PAPPA2: variants seen among roughly 807,000 people sequenced by gnomAD.
PAPPA2 encodes the protein pappalysin-2.
In PAPPA2, 86 loss-of-function variants were observed where a neutral mutation model predicts 176.4. The ratio of observed to expected loss-of-function variants is 0.49; its 90% CI spans 0.41 to 0.58. The LOEUF is 0.58. Ranked by LOEUF, PAPPA2 falls within the 20% of genes least tolerant of loss-of-function variation. PAPPA2 has a pLI of 0.00. For synonymous variants in PAPPA2, 809 were observed against 852.2 expected (o/e 0.95, Z 0.88); for missense variants, 2,073 against 2,256.9 (o/e 0.92, Z 1.65).
intron 15 of PAPPA2, among the ~76,000 whole-genome samples, chr1:176,769,058 C>T (rs1664102847): frequency 6.6e-6 from 1 of 152,168 alleles, no homozygotes; most frequent in Admixed American, 6.5e-5. Context: ...CAGTCATCAC[C>T]CCTAGGCCTG....
intron 14 of PAPPA2, among the ~76,000 whole-genome samples, chr1:176,750,437 T>G (rs1663113288): frequency 1.3e-5 from 2 of 152,094 alleles, no homozygotes; most frequent in Admixed American, 1.3e-4. Context: ...AAACCCTATC[T>G]CTACTAAAAA....
At chr1:176,486,036 T>G (rs1652630968) in intron 1 of PAPPA2, among the ~76,000 whole-genome samples, 1 of 152,186 alleles carries the variant, frequency 6.6e-6, no homozygotes, top group South Asian at 2.1e-4. Flanking sequence ...TTAAGGGTTA[T>G]TTTAGTAAGG....
intron 2 of PAPPA2, among the ~76,000 whole-genome samples, chr1:176,571,014 C>T (rs1237143785): frequency 6.6e-6 from 1 of 152,142 alleles, no homozygotes; most frequent in East Asian, 1.9e-4. Context: ...TGTCTGTAGG[C>T]TTCTGGGGGC....
At chr1:176,628,683 TATG>T (rs1413349053) in intron 3 of PAPPA2, among the ~76,000 whole-genome samples, 1 of 152,198 alleles carries the variant, frequency 6.6e-6, no homozygotes. Flanking sequence ...TAGAGGTAGA[TATG>T]ATGAACTGTG....
chr1:176,763,982 C>T (rs892523245), intron 14 of PAPPA2, among the ~76,000 whole-genome samples: 6 of 152,146 alleles, frequency 3.9e-5, no homozygotes, highest in East Asian at 3.9e-4. Flanking sequence ...GGTGTATGCT[C>T]GGCTTTCTTG....
At chr1:176,810,183 GA>G in intron 21 of PAPPA2, among the ~76,000 whole-genome samples, 1 of 152,088 alleles carries the variant, frequency 6.6e-6, no homozygotes, top group Non-Finnish European at 1.5e-5. Context: ...CCACCTTTAG[GA>G]AAACAGGAAA....
chr1:176,478,102 T>G (rs926409752), intron 1 of PAPPA2, among the ~76,000 whole-genome samples: 4 of 152,196 alleles, frequency 2.6e-5, no homozygotes, highest in Non-Finnish European at 5.9e-5. Flanking sequence ...GCTGAATATT[T>G]TGAGTAGCTT....
chr1:176,686,168 C>G (rs562751453), intron 4 of PAPPA2, among the ~76,000 whole-genome samples: 153 of 152,230 alleles, frequency 1.0e-3, no homozygotes, highest in Admixed American at 2.6e-3. Flanking sequence ...TTAGTCCGTT[C>G]TCACGCTGCT....
chr1:176,741,709 G>A (rs1662687609), intron 14 of PAPPA2, among the ~76,000 whole-genome samples: 1 of 152,148 alleles, frequency 6.6e-6, no homozygotes, highest in East Asian at 1.9e-4. Flanking sequence ...TAGAAAGGGA[G>A]AAACAGTAAG....
intron 3 of PAPPA2, among the ~76,000 whole-genome samples, chr1:176,655,479 AT>A (rs1447618112): frequency 6.6e-6 from 1 of 151,838 alleles, no homozygotes; most frequent in Non-Finnish European, 1.5e-5. Flanking sequence ...ATAAATAGGC[AT>A]TTTTCAGAAG....
chr1:176,674,734 G>GTTTTTTTT (rs765026167), intron 4 of PAPPA2, among the ~76,000 whole-genome samples: 3 of 137,278 alleles, frequency 2.2e-5, no homozygotes, highest in African/African-American at 2.7e-5. Context: ...GTGTGCAAGT[G>GTTTTTTTT]TTTTTTTTTT....
intron 7 of PAPPA2, 67 bp downstream of exon 7, chr1:176,695,926 G>A: frequency 6.3e-7 from 1 of 1,586,674 alleles, no homozygotes; most frequent in Non-Finnish European, 8.6e-7. Context: ...GAGGTAAAGA[G>A]TGGAGTAGTG....
At chr1:176,810,408 G>T (rs1666097944) in intron 21 of PAPPA2, among the ~76,000 whole-genome samples, 1 of 152,066 alleles carries the variant, frequency 6.6e-6, no homozygotes, top group Non-Finnish European at 1.5e-5. Context: ...TCGGTGGGGG[G>T]AGTTTCAGGA....
intron 3 of PAPPA2, among the ~76,000 whole-genome samples, chr1:176,598,392 C>T (rs1168636704): frequency 6.6e-6 from 1 of 152,114 alleles, no homozygotes; most frequent in African/African-American, 2.4e-5. Flanking sequence ...CTTACATTAT[C>T]TCCTTCCTTG....
chr1:176,824,197 C>T (rs1429063858), intron 21 of PAPPA2, among the ~76,000 whole-genome samples: 2 of 152,136 alleles, frequency 1.3e-5, no homozygotes, highest in African/African-American at 4.8e-5. Flanking sequence ...TGAACATCTG[C>T]TGTGGGGAAC....
chr1:176,755,960 A>AACT (rs1553404538), intron 14 of PAPPA2, among the ~76,000 whole-genome samples: 1 of 151,962 alleles, frequency 6.6e-6, no homozygotes, highest in Non-Finnish European at 1.5e-5. Flanking sequence ...TATATTTACA[A>AACT]ATTATTATTA....
chr1:176,663,562 G>A (rs1658467392), intron 3 of PAPPA2, among the ~76,000 whole-genome samples: 1 of 152,108 alleles, frequency 6.6e-6, no homozygotes, highest in African/African-American at 2.4e-5. Context: ...GCCAATAACT[G>A]TATGAGGTGG....
intron 1 of PAPPA2, among the ~76,000 whole-genome samples, chr1:176,515,290 G>A (rs775103890): frequency 6.6e-6 from 1 of 152,146 alleles, no homozygotes; most frequent in Non-Finnish European, 1.5e-5. Flanking sequence ...AGGCTAACGG[G>A]AATGGCTTCC....
At chr1:176,567,907 T>C (rs915494976) in intron 2 of PAPPA2, among the ~76,000 whole-genome samples, 3 of 152,128 alleles carry the variant, frequency 2.0e-5, no homozygotes, top group African/African-American at 7.2e-5. Flanking sequence ...GAGCACCAAA[T>C]AAGATATCAG....
Sources: gnomAD v4.1 joint callset for allele counts (sites outside exome capture counted in the v4.1 genomes callset) on GRCh38, gnomAD v4.1.1 for gene constraint, MANE v1.5 for transcripts, NCBI Gene and HGNC (gene_info 2026-07-23, HGNC 2026-07-21) for gene names.